The following SLC49A4 variants were observed in gnomAD, a reference collection of about 807,000 sequenced individuals.
The protein encoded by SLC49A4 is solute carrier family 49 member 4, also known as disrupted in renal cancer protein 2.
A neutral mutation model predicts 50.6 loss-of-function variants in SLC49A4; 36 were observed. The observed-to-expected ratio is 0.71, with a 90% confidence interval of 0.55 to 0.94. The LOEUF (loss-of-function observed/expected upper bound fraction) is 0.94, where lower values mean the gene tolerates loss of function less well. SLC49A4 is among the 40% of genes least tolerant of loss of function. The probability of loss-of-function intolerance (pLI) is 0.00; values close to 1 mark genes in which losing one functional copy is unlikely to be tolerated. For synonymous variants in SLC49A4, 248 were observed against 241.2 expected (o/e 1.03, Z -0.26); for missense variants, 503 against 605.7 (o/e 0.83, Z 1.78).
At chr3:122,815,416 A>G (rs965340746) in intron 2 of SLC49A4, among the ~76,000 whole-genome samples, 2 of 152,102 alleles carry the variant, frequency 1.3e-5, no homozygotes, top group Non-Finnish European at 2.9e-5. Flanking sequence ...GCCATATCCC[A>G]TTGGTTGCAG....
At chr3:122,818,782 A>G (rs1936411934) in intron 2 of SLC49A4, among the ~76,000 whole-genome samples, 1 of 151,944 alleles carries the variant, frequency 6.6e-6, no homozygotes, top group African/African-American at 2.4e-5. Flanking sequence ...CATCTCTACT[A>G]AAAATATAAA....
chr3:122,842,434 C>A (rs935686404), intron 4 of SLC49A4, among the ~76,000 whole-genome samples: 1 of 134,840 alleles, frequency 7.4e-6, no homozygotes, highest in Non-Finnish European at 1.5e-5. Flanking sequence ...TGCAGTGAGC[C>A]GAGATCGCGC....
chr3:122,830,877 T>A (rs1417267195), intron 3 of SLC49A4, among the ~76,000 whole-genome samples: 8 of 152,180 alleles, frequency 5.3e-5, no homozygotes, highest in African/African-American at 1.9e-4. Flanking sequence ...TTGCAAATCA[T>A]ATATCTGATA....
Position 122,872,588 on chromosome 3 carries a change from T to G in SLC49A4, c.1312T>G (p.Tyr438Asp). 1 of 1,579,810 alleles carries G rather than the reference T, an allele frequency of 6.3e-7. No individual in the cohort carries two copies. The highest frequency in any genetic ancestry group is 8.6e-7 in the Non-Finnish European group (1 of 1,158,866). The change falls in exon 8 of 9, where the codon TAT (tyrosine) becomes GAT (aspartate). Residue 438 changes from tyrosine to aspartate, a missense_variant. Tyr to Asp is a radical substitution (Grantham distance 160). Transcript: ENST00000261038. ...AGTACTTTTATTTTTTCTCACATTT[T>G]ATCATACAGGTAAGAAATTTGATTT... ...MGVLLFFLTF[Y>D]HTELSWFNWC...
chr3:122,831,082 C>T (rs1936602752), intron 3 of SLC49A4, among the ~76,000 whole-genome samples: 1 of 152,174 alleles, frequency 6.6e-6, no homozygotes, highest in South Asian at 2.1e-4. Flanking sequence ...AGATACACTT[C>T]ACACCCAGTA....
intron 2 of SLC49A4, among the ~76,000 whole-genome samples, chr3:122,816,792 A>T (rs1266812283): frequency 6.6e-6 from 1 of 152,166 alleles, no homozygotes; most frequent in South Asian, 2.1e-4. Flanking sequence ...CAGTGGTCAC[A>T]TTGCACCCAC....
chr3:122,825,395 A>G (rs920193047), intron 2 of SLC49A4, among the ~76,000 whole-genome samples: 3 of 152,112 alleles, frequency 2.0e-5, no homozygotes, highest in African/African-American at 7.2e-5. Flanking sequence ...CCTTACACAG[A>G]GAGATTTTTA....
intron 2 of SLC49A4, among the ~76,000 whole-genome samples, chr3:122,815,847 G>T (rs1425977387): frequency 6.6e-6 from 1 of 152,168 alleles, no homozygotes. Context: ...TCTGCTTGAT[G>T]CTGATTTGGG....
intron 2 of SLC49A4, among the ~76,000 whole-genome samples, chr3:122,826,034 G>C (rs1352061681): frequency 6.6e-6 from 1 of 152,128 alleles, no homozygotes; most frequent in Non-Finnish European, 1.5e-5. Context: ...GGGACTTAGT[G>C]GTCCTGTCAT....
At position 122,879,282 on chromosome 3, in the gene SLC49A4, G is replaced by T; in HGVS notation, c.1341G>T (p.Trp447Cys). The change falls in exon 9 of 9, where the codon TGG becomes TGT. Residue 447 changes from tryptophan to cysteine, a missense_variant. Transcript: ENST00000261038. ...FYHTELSWFNWCLPGSCLLSL... is the reference protein window; with the variant it reads ...FYHTELSWFNCCLPGSCLLSL... The stretch of plus-strand genomic sequence containing the variant: ...TTACAGAGTTGTCTTGGTTCAACTG[G>T]TGCCTTCCCGGGTCGTGTTTGCTCA... The T allele has an allele frequency of 1.9e-6, 3 of 1,613,940 alleles. No individual in the cohort carries two copies. The highest frequency in any genetic ancestry group is 2.5e-6 in the Non-Finnish European group (3 of 1,179,882).
intron 7 of SLC49A4, among the ~76,000 whole-genome samples, chr3:122,867,472 C>T (rs1035898484): frequency 3.3e-5 from 5 of 152,046 alleles, no homozygotes; most frequent in African/African-American, 1.2e-4. Context: ...AAATACCTGC[C>T]TCAAAGAGCT....
intron 2 of SLC49A4, among the ~76,000 whole-genome samples, chr3:122,813,127 G>A (rs1936322098): frequency 2.0e-5 from 3 of 151,906 alleles, no homozygotes; most frequent in Admixed American, 2.0e-4. Context: ...GCGCTTGCCT[G>A]TAATCCCAGC....
chr3:122,814,857 A>G (rs1429360732), intron 2 of SLC49A4, among the ~76,000 whole-genome samples: 1 of 151,754 alleles, frequency 6.6e-6, no homozygotes, highest in African/African-American at 2.4e-5. Flanking sequence ...GTGGCCCAAG[A>G]CGGTTCTTCT....
rs1400568621 is a variant in SLC49A4, at chr3:122,860,215, T to C, written c.1138+13T>C. 3 of 1,570,408 alleles carry C rather than the reference T, an allele frequency of 1.9e-6. No homozygotes were observed. The Admixed American group carries it at 5.9e-5, about 31-fold the overall frequency. ...CCTTTAACCACAGGTGAGCATAGGC[T>C]ATTTTTGAACTTTTAATAAATATTT... On this transcript the variant is annotated intron_variant, in intron 7 of 8. Transcript: ENST00000261038.
intron 4 of SLC49A4, among the ~76,000 whole-genome samples, chr3:122,841,570 T>C (rs1330939401): frequency 6.6e-6 from 1 of 152,210 alleles, no homozygotes; most frequent in Non-Finnish European, 1.5e-5. Flanking sequence ...AAAGTAACTT[T>C]CACTGCTTCG....
At chr3:122,800,002 A>C (rs1203881880) in intron 1 of SLC49A4, among the ~76,000 whole-genome samples, 1 of 152,240 alleles carries the variant, frequency 6.6e-6, no homozygotes, top group Non-Finnish European at 1.5e-5. Context: ...TAGACAGATT[A>C]AACTGTCAAT....
At chr3:122,841,999 A>C (rs1267564178) in intron 4 of SLC49A4, among the ~76,000 whole-genome samples, 1 of 152,248 alleles carries the variant, frequency 6.6e-6, no homozygotes, top group African/African-American at 2.4e-5. Flanking sequence ...ATGACAGTTT[A>C]AAATGATCGT....
intron 4 of SLC49A4, among the ~76,000 whole-genome samples, 157 bp from the exon 5 acceptor site, chr3:122,845,606 C>T (rs565672113): frequency 1.0e-3 from 118 of 115,676 alleles, no homozygotes; most frequent in Middle Eastern, 0.01. Context: ...CTTTCCAGCA[C>T]GTTTTTTTTT....
At chr3:122,842,760 TAA>T (rs1308133537) in intron 4 of SLC49A4, among the ~76,000 whole-genome samples, 1 of 152,196 alleles carries the variant, frequency 6.6e-6, no homozygotes, top group African/African-American at 2.4e-5. Context: ...GTTTAAACCG[TAA>T]AGTGTAAGAT....
Sources: allele counts gnomAD v4.1 joint callset (sites outside exome capture counted in the v4.1 genomes callset), GRCh38; gene constraint gnomAD v4.1.1; transcripts MANE v1.5; gene names NCBI Gene and HGNC (gene_info 2026-07-23, HGNC 2026-07-21).